STXBP5L: variants seen among roughly 807,000 people sequenced by gnomAD.
STXBP5L encodes syntaxin binding protein 5L.
Under a neutral mutation model 144.5 loss-of-function variants are expected in STXBP5L, and 65 were observed. The observed-to-expected ratio is 0.45, with a 90% CI of 0.37 to 0.55. The LOEUF is 0.55. STXBP5L is among the 20% of genes least tolerant of loss of function. The pLI is 0.00. For missense variants in STXBP5L, 1,298 were observed against 1,405.5 expected (o/e 0.92, Z 1.22); for synonymous variants, 505 against 469.6 (o/e 1.08, Z -0.97).
chr3:121,390,711 C>T (rs745567322), intron 22 of STXBP5L, among the ~76,000 whole-genome samples: 14 of 152,196 alleles, frequency 9.2e-5, no homozygotes, highest in Admixed American at 2.0e-4. Context: ...GAATATTGGC[C>T]CCCACTCTCT....
chr3:121,345,905 T>G (rs1422857098), intron 20 of STXBP5L, among the ~76,000 whole-genome samples: 2 of 152,100 alleles, frequency 1.3e-5, no homozygotes, highest in Non-Finnish European at 2.9e-5. Flanking sequence ...TCAGTACCAC[T>G]GTTAATGATT....
At position 121,309,870 on chromosome 3, in the gene STXBP5L, A is replaced by G. The variant is rs181643343; in HGVS notation, c.2111-8605A>G. Among the ~76,000 whole-genome samples, 174 of 152,366 alleles carry G rather than the reference A, an allele frequency of 1.1e-3. 1 individual carries two copies. In the Middle Eastern group the frequency reaches 0.014, roughly 12 times the overall value. Reference sequence around the variant, plus strand: ...AAATGCAAAGGATCTGGAATAACTAAAATACTCTTGGAAAAGAAGAACAAA... The same window carrying G: ...AAATGCAAAGGATCTGGAATAACTAGAATACTCTTGGAAAAGAAGAACAAA... On this transcript the variant is annotated intron_variant, in intron 19 of 26. Transcript: ENST00000471454.
intron 8 of STXBP5L, among the ~76,000 whole-genome samples, chr3:121,156,737 ATATAATAATT>A (rs1020264673): frequency 2.0e-5 from 3 of 151,896 alleles, no homozygotes; most frequent in Non-Finnish European, 4.4e-5. Context: ...TTTTAAAACA[ATATAATAATT>A]TATAATAATA....
intron 5 of STXBP5L, among the ~76,000 whole-genome samples, chr3:121,100,720 G>C (rs910291497): frequency 2.0e-5 from 3 of 151,434 alleles, no homozygotes; most frequent in African/African-American, 7.3e-5. Context: ...CCTAAAGCTA[G>C]CATCGGAAAA....
At chr3:121,200,095 T>C (rs770782476) in intron 9 of STXBP5L, among the ~76,000 whole-genome samples, 14 of 152,192 alleles carry the variant, frequency 9.2e-5, no homozygotes, top group Non-Finnish European at 4.4e-5. Context: ...AGAATTTGGC[T>C]GTGAATCCAT....
intron 16 of STXBP5L, among the ~76,000 whole-genome samples, chr3:121,255,646 C>T (rs2050181434): frequency 6.6e-6 from 1 of 151,510 alleles, no homozygotes; most frequent in South Asian, 2.1e-4. Context: ...TGTATTTTCT[C>T]ATCAACTGTT....
At chr3:121,031,905 C>A (rs184681980) in intron 3 of STXBP5L, among the ~76,000 whole-genome samples, 2 of 152,204 alleles carry the variant, frequency 1.3e-5, no homozygotes, top group Admixed American at 1.3e-4. Flanking sequence ...GCCTGACCAT[C>A]ATAGTGGAAG....
chr3:121,081,131 TG>T (rs1222858738), intron 5 of STXBP5L, among the ~76,000 whole-genome samples: 1 of 152,096 alleles, frequency 6.6e-6, no homozygotes, highest in Non-Finnish European at 1.5e-5. Context: ...TTCTTCTACT[TG>T]TTCTAGTCTA....
chr3:120,973,986 G>C (rs1358159958), intron 3 of STXBP5L, among the ~76,000 whole-genome samples: 1 of 152,084 alleles, frequency 6.6e-6, no homozygotes, highest in South Asian at 2.1e-4. Flanking sequence ...ATTATGAATA[G>C]TGCCGCAATA....
chr3:121,005,102 A>T (rs1439781085), intron 3 of STXBP5L, among the ~76,000 whole-genome samples: 1 of 152,134 alleles, frequency 6.6e-6, no homozygotes, highest in Non-Finnish European at 1.5e-5. Context: ...ATTTCTATTG[A>T]TTGGAATAGT....
chr3:121,213,425 T>G (rs757604462), intron 10 of STXBP5L, among the ~76,000 whole-genome samples: 1 of 152,200 alleles, frequency 6.6e-6, no homozygotes, highest in Non-Finnish European at 1.5e-5. Context: ...GAAGGGGTGT[T>G]GAATTTTATC....
intron 3 of STXBP5L, among the ~76,000 whole-genome samples, chr3:120,969,936 C>G (rs1940046640): frequency 6.6e-6 from 1 of 151,892 alleles, no homozygotes; most frequent in Admixed American, 6.6e-5. Context: ...TGATTTTGTG[C>G]TACTTATTTT....
chr3:121,087,732 A>G (rs1576906672), intron 5 of STXBP5L, among the ~76,000 whole-genome samples: 1 of 151,744 alleles, frequency 6.6e-6, no homozygotes, highest in Non-Finnish European at 1.5e-5. Context: ...TCTATTTGTT[A>G]TTGCTCTGCT....
chr3:121,059,773 G>T (rs1320936428), intron 5 of STXBP5L, among the ~76,000 whole-genome samples: 1 of 152,130 alleles, frequency 6.6e-6, no homozygotes, highest in African/African-American at 2.4e-5. Context: ...TTGGCTGTTT[G>T]TCTATTATTG....
At chr3:121,014,233 G>A (rs1332179398) in intron 3 of STXBP5L, among the ~76,000 whole-genome samples, 2 of 151,894 alleles carry the variant, frequency 1.3e-5, no homozygotes, top group Non-Finnish European at 2.9e-5. Context: ...GAGCAGTATG[G>A]ACATTTTAAT....
chr3:121,226,889 C>T (rs1019504482), intron 11 of STXBP5L, among the ~76,000 whole-genome samples: 6 of 152,138 alleles, frequency 3.9e-5, no homozygotes, highest in Admixed American at 1.3e-4. Context: ...TCTTAAGGTT[C>T]TTGGGCCTAC....
chr3:121,060,004 C>A (rs2041183784), intron 5 of STXBP5L, among the ~76,000 whole-genome samples: 1 of 152,098 alleles, frequency 6.6e-6, no homozygotes, highest in African/African-American at 2.4e-5. Context: ...ACTTCCAATA[C>A]TATGTTGAAT....
Position 121,001,673 on chromosome 3 carries a change from A to T in STXBP5L, c.288-40027A>T, listed in dbSNP as rs565667013. Among the ~76,000 whole-genome samples, 18 of 152,252 alleles carry T rather than the reference A, an allele frequency of 1.2e-4. No homozygotes were observed. The South Asian group carries it at 3.7e-3, about 32-fold the overall frequency. Reference sequence around the variant, plus strand: ...TGCCTATTTAACTCATTCTTTCTCCAGGAGCTTCGTGGGGCCAGGAATGAG... The same window carrying T: ...TGCCTATTTAACTCATTCTTTCTCCTGGAGCTTCGTGGGGCCAGGAATGAG... On this transcript the variant is annotated intron_variant, in intron 3 of 26. Coordinates refer to ENST00000471454, the MANE Select transcript of STXBP5L (RefSeq NM_001308330.2).
chr3:121,113,829 C>T (rs939321199), intron 5 of STXBP5L, among the ~76,000 whole-genome samples: 9 of 151,832 alleles, frequency 5.9e-5, no homozygotes, highest in East Asian at 1.9e-4. Flanking sequence ...CCCACCACCA[C>T]GCCCGGCTAA....
Sources: gnomAD v4.1 joint callset for allele counts (sites outside exome capture counted in the v4.1 genomes callset) on GRCh38, gnomAD v4.1.1 for gene constraint, MANE v1.5 for transcripts, NCBI Gene and HGNC (gene_info 2026-07-23, HGNC 2026-07-21) for gene names.